Variants in TPST2 observed in about 807,000 individuals in gnomAD.
TPST2 encodes the protein protein-tyrosine sulfotransferase 2.
In TPST2, 16 loss-of-function variants were observed where a neutral mutation model predicts 27.8. That is an observed-to-expected ratio of 0.58 (90% confidence interval 0.39 to 0.88). The LOEUF is 0.88. Among genes scored for constraint, TPST2 ranks in the 40% least tolerant of loss-of-function variants. The pLI is 0.00. For synonymous variants in TPST2, 229 were observed against 231.7 expected (o/e 0.99, Z 0.10); for missense variants, 464 against 543.1 (o/e 0.85, Z 1.45).
chr22:26,555,459 G>C (rs1926743723), intron 1 of TPST2: 3 of 352,642 alleles, frequency 8.5e-6, no homozygotes, highest in Non-Finnish European at 1.7e-5. Context: ...TTGTCTCTGA[G>C]CCTCACTCAC....
Position 26,541,487 on chromosome 22 carries a change from C to G in TPST2, c.144G>C (p.Glu48Asp). ...LRSPRGAMRP[E>D]QEELVMVGTN... ...TGCCCACCATCACCAGCTCCTCCTG[C>G]TCAGGCCGCATGGCCCCCCGGGGGC... is the stretch of plus-strand genomic sequence containing the variant. Residue 48 changes from glutamate to aspartate, a missense_variant, in exon 3 of 7, where the codon GAG becomes GAC. By Grantham distance (45) the Glu-to-Asp change is conservative. Coordinates refer to ENST00000338754, the MANE Select transcript of TPST2 (RefSeq NM_003595.5). This position sits in a 1 kb window ranked among gnomAD's most constrained non-coding sequence, Gnocchi z 5.9. 1.2e-6 allele frequency: 2 copies of G among 1,611,930 alleles called. No homozygotes were observed. The highest frequency in any genetic ancestry group is 3.3e-5 in the Admixed American group (2 of 59,804).
chr22:26,542,199 G>A (rs991960697), intron 2 of TPST2, among the ~76,000 whole-genome samples: 16 of 146,962 alleles, frequency 1.1e-4, no homozygotes, highest in African/African-American at 3.8e-4. Context: ...CCTAGACTGC[G>A]CCACTGCACT....
At chr22:26,558,106 A>C (rs1926896804) in intron 1 of TPST2, among the ~76,000 whole-genome samples, 1 of 144,738 alleles carries the variant, frequency 6.9e-6, no homozygotes, top group African/African-American at 2.5e-5. Context: ...ATTATTATAT[A>C]AAAATATATA....
At chr22:26,561,387 T>C (rs1480208684) in intron 1 of TPST2, among the ~76,000 whole-genome samples, 1 of 152,190 alleles carries the variant, frequency 6.6e-6, no homozygotes, top group Non-Finnish European at 1.5e-5. Context: ...TGGTACAGTA[T>C]GGGGGCTGTA....
intron 1 of TPST2, among the ~76,000 whole-genome samples, chr22:26,579,252 G>A (rs1423795385): frequency 6.6e-6 from 1 of 152,198 alleles, no homozygotes; most frequent in Non-Finnish European, 1.5e-5. Flanking sequence ...AGCAAGGAAT[G>A]ACCACGTAGC....
At chr22:26,535,881 C>A in intron 4 of TPST2, 3 of 332,414 alleles carry the variant, frequency 9.0e-6, no homozygotes, top group Non-Finnish European at 1.8e-5. Context: ...CTGAGAAATC[C>A]ACATTAAACC....
Position 26,541,119 on chromosome 22 carries a change from C to T in TPST2, c.512G>A (p.Arg171His), listed in dbSNP as rs777594624. 1.1e-5 allele frequency: 17 copies of T among 1,607,340 alleles called. No homozygotes were observed. Among genetic ancestry groups the T allele is most frequent in the East Asian group, 4.5e-5 (2 of 44,754 alleles). ...CAGGAACTTGGAGTTGGGGAACAGG[C>T]GCGACAGGTAGACCGAGGACTTGAG... ...FTLKSSVYLS[R>H]LFPNSKFLLM... The change falls in exon 3 of 7, where the codon CGC becomes CAC. Residue 171 changes from arginine (R) to histidine (H), a missense_variant. Physicochemically the swap from Arg to His is conservative, Grantham distance 29. Transcript: ENST00000338754. This position sits in a 1 kb window ranked among gnomAD's most constrained non-coding sequence, Gnocchi z 5.9.
chr22:26,575,686 G>T (rs1018162947), intron 1 of TPST2, among the ~76,000 whole-genome samples: 8 of 152,198 alleles, frequency 5.3e-5, no homozygotes, highest in Non-Finnish European at 1.2e-4. Context: ...TGTAAATGAT[G>T]ATGGCATCCT....
intron 1 of TPST2, among the ~76,000 whole-genome samples, chr22:26,546,123 C>T (rs958073036): frequency 1.1e-4 from 16 of 151,860 alleles, no homozygotes; most frequent in African/African-American, 3.9e-4. Flanking sequence ...ATTATTTGTG[C>T]CATGATGGCA....
chr22:26,522,027 TTAATAG>T lies in TPST2; in HGVS notation c.*4242_*4247del, dbSNP rs1484941013. On this transcript the variant is annotated 3_prime_UTR_variant, in exon 7 of 7. Coordinates refer to ENST00000338754, the MANE Select transcript of TPST2 (RefSeq NM_003595.5). ...CATCACAACCTTTTATTTCACAATATTAATAGTAATCATTATAGCTACCATGTATTA... is the reference window on the plus strand; with the variant it reads ...CATCACAACCTTTTATTTCACAATATTAATCATTATAGCTACCATGTATTA... The T allele has an allele frequency of 1.3e-5, 2 of 152,186 alleles. No individual in the cohort carries two copies. The highest frequency in any genetic ancestry group is 4.8e-5 in the African/African-American group (2 of 41,458). The allele number at this position is 152,186 out of a possible 1,614,324, so 9.4% of individuals were successfully genotyped here.
chr22:26,536,036 G>C (rs778382314), intron 4 of TPST2: 1 of 646,628 alleles, frequency 1.5e-6, no homozygotes, highest in Non-Finnish European at 2.9e-6. Flanking sequence ...GATGAAATTA[G>C]TGTACAAGCT....
intron 1 of TPST2, among the ~76,000 whole-genome samples, chr22:26,569,309 T>C (rs1927505797): frequency 6.6e-6 from 1 of 151,880 alleles, no homozygotes; most frequent in Non-Finnish European, 1.5e-5. Context: ...GTTACCCCGG[T>C]GGGGCAAGGG....
intron 1 of TPST2, among the ~76,000 whole-genome samples, chr22:26,576,369 C>A (rs943764873): frequency 3.9e-5 from 6 of 152,138 alleles, no homozygotes; most frequent in African/African-American, 7.2e-5. Flanking sequence ...AGGGTCAGCA[C>A]AGGAGATTGA....
At chr22:26,532,836 C>T in intron 4 of TPST2, 91 bp from the exon 5 acceptor site, 2 of 1,142,362 alleles carry the variant, frequency 1.8e-6, no homozygotes, top group Admixed American at 1.9e-5. Flanking sequence ...TCCACCCATC[C>T]ACCTCGCCAC....
At position 26,541,664 on chromosome 22, in the gene TPST2, G is replaced by C; in HGVS notation, c.-34C>G. ...GGAGGCAGGGTAGGCCTGGCCTGAG[G>C]GCCCGCTTCTGGGGCTTCAGCGACA... On this transcript the variant is annotated 5_prime_UTR_variant, in exon 3 of 7. Transcript: ENST00000338754. The surrounding 1 kb of genome is among the most constrained non-coding windows in gnomAD (Gnocchi z 5.9). The C allele has an allele frequency of 2.6e-6, 4 of 1,524,338 alleles. No individual in the cohort carries two copies. Among genetic ancestry groups the C allele is most frequent in the Non-Finnish European group, 3.5e-6 (4 of 1,142,978 alleles). The allele number at this position is 1,524,338 out of a possible 1,614,324, so 94.4% of individuals were successfully genotyped here.
intron 1 of TPST2, among the ~76,000 whole-genome samples, chr22:26,551,589 AG>A (rs751220417): frequency 1.3e-5 from 2 of 152,078 alleles, no homozygotes; most frequent in Non-Finnish European, 2.9e-5. Flanking sequence ...CCATCAAAGC[AG>A]GGTCCCACAC....
intron 1 of TPST2, among the ~76,000 whole-genome samples, chr22:26,554,577 G>A (rs1206207423): frequency 2.0e-5 from 3 of 152,216 alleles, no homozygotes; most frequent in Non-Finnish European, 4.4e-5. Flanking sequence ...CAGTGGGGAG[G>A]TGTTATCTAA....
At position 26,526,083 on chromosome 22, in the gene TPST2, T is replaced by C. The variant is rs1185369150; in HGVS notation, c.*192A>G. On this transcript the variant is annotated 3_prime_UTR_variant, in exon 7 of 7. Coordinates refer to ENST00000338754, the MANE Select transcript of TPST2 (RefSeq NM_003595.5). ...ACCCTTCATTCTCTACCCTGGAGTGTCCAGAGATAGAGAGTTTCAAGGTAC... is the reference window on the plus strand; with the variant it reads ...ACCCTTCATTCTCTACCCTGGAGTGCCCAGAGATAGAGAGTTTCAAGGTAC... 2.0e-5 allele frequency: 3 copies of C among 152,222 alleles called. No homozygotes were observed. The highest frequency in any genetic ancestry group is 7.2e-5 in the African/African-American group (3 of 41,450). 9.4% of individuals were successfully genotyped at this position (152,222 alleles called of 1,614,324 possible).
intron 1 of TPST2, among the ~76,000 whole-genome samples, chr22:26,564,407 T>C (rs752158854): frequency 5.3e-5 from 8 of 152,180 alleles, no homozygotes; most frequent in Non-Finnish European, 1.2e-4. Context: ...TGTCCAGTCA[T>C]GCAGGACGGA....
Sources: allele counts gnomAD v4.1 joint callset (sites outside exome capture counted in the v4.1 genomes callset), GRCh38; gene constraint gnomAD v4.1.1; non-coding constraint Gnocchi (gnomAD v3.1); transcripts MANE v1.5; gene names NCBI Gene and HGNC (gene_info 2026-07-23, HGNC 2026-07-21).